ABCE1: variants seen among roughly 807,000 people sequenced by gnomAD.
ABCE1 encodes ATP binding cassette subfamily E member 1, also known as ATP-binding cassette sub-family E member 1.
ABCE1 carries 22 observed loss-of-function variants against 83.4 expected under a neutral mutation model. That is an observed-to-expected ratio of 0.26 (90% confidence interval 0.19 to 0.38). The LOEUF (loss-of-function observed/expected upper bound fraction) is 0.38. Ranked by LOEUF, ABCE1 falls within the 10% of genes least tolerant of loss-of-function variation. ABCE1 has a pLI of 1.00. For synonymous variants in ABCE1, 204 were observed against 233.7 expected, an observed-to-expected ratio of 0.87 and a Z score of 1.16; for missense variants, 330 against 721.9, an observed-to-expected ratio of 0.46 and a Z score of 6.22.
rs1749974496 is a variant in ABCE1 at position 145,129,212 on chromosome 4, A to G, written c.*1639A>G. The G allele has an allele frequency of 1.3e-5, 2 of 152,352 alleles. No individual in the cohort carries two copies. The highest frequency in any genetic ancestry group is 4.8e-5 in the African/African-American group (2 of 41,594). 9.4% of individuals were successfully genotyped at this position (152,352 alleles called of 1,614,324 possible). On this transcript the variant is annotated 3_prime_UTR_variant, in exon 18 of 18. Coordinates refer to ENST00000296577, the MANE Select transcript of ABCE1 (RefSeq NM_002940.3). ...TTAAAGAAAGTACTTGTGATATAAGAGCACAGTTCTACTTACTGCTAATGA... is the reference window on the plus strand; with the variant it reads ...TTAAAGAAAGTACTTGTGATATAAGGGCACAGTTCTACTTACTGCTAATGA...
chr4:145,106,648 T>G (rs544775622), intron 3 of ABCE1, among the ~76,000 whole-genome samples: 2 of 152,100 alleles, frequency 1.3e-5, no homozygotes, highest in African/African-American at 4.8e-5. Context: ...AGAAGTAATG[T>G]ATAATTCCTG....
At chr4:145,110,278 A>C (rs1264467703) in intron 6 of ABCE1, 38 bp downstream of exon 6, 4 of 1,597,780 alleles carry the variant, frequency 2.5e-6, no homozygotes, top group Non-Finnish European at 3.4e-6. Context: ...GGATATTAGT[A>C]GAAGTATAAA....
Position 145,109,620 on chromosome 4 carries a change from T to C in ABCE1, c.405+371T>C, listed in dbSNP as rs1339500711. Among the ~76,000 whole-genome samples the C allele has an allele frequency of 2.6e-5, 4 of 152,194 alleles. No individual in the cohort carries two copies. In the South Asian group the frequency reaches 8.3e-4, roughly 31 times the overall value. On this transcript the variant is annotated intron_variant, in intron 5 of 17. Transcript: ENST00000296577. ...TTTCCAACTTTAGTACATAAAGAAATTTAGGAGCCACTGTGTAATGTTCTT... is the reference window on the plus strand; with the variant it reads ...TTTCCAACTTTAGTACATAAAGAAACTTAGGAGCCACTGTGTAATGTTCTT...
intron 9 of ABCE1, among the ~76,000 whole-genome samples, chr4:145,112,655 G>A (rs144747656): frequency 6.6e-5 from 10 of 152,108 alleles, no homozygotes; most frequent in East Asian, 5.8e-4. Context: ...ACACACGCAC[G>A]CACACGCTTA....
chr4:145,107,537 C>T (rs189694999), intron 3 of ABCE1, among the ~76,000 whole-genome samples: 1 of 152,298 alleles, frequency 6.6e-6, no homozygotes, highest in Admixed American at 6.5e-5. Context: ...GTATTAAGCA[C>T]TCTTTAAATG....
intron 5 of ABCE1, 138 bp downstream of exon 5, chr4:145,109,387 G>A: frequency 3.8e-6 from 2 of 523,976 alleles, no homozygotes; most frequent in South Asian, 7.3e-5. Context: ...TATAAACAAA[G>A]CTCTTTTGTA....
Position 145,109,232 on chromosome 4 carries a change from A to G in ABCE1, c.388A>G (p.Asn130Asp). The change falls in exon 5 of 18, where the codon AAC becomes GAC. Residue 130 changes from asparagine to aspartate, a missense_variant. Physicochemically the swap from Asn to Asp is conservative, Grantham distance 23. Coordinates refer to ENST00000296577, the MANE Select transcript of ABCE1 (RefSeq NM_002940.3). ...AATTTTAGCAGGAAAACAAAAGCCA[A>G]ACCTTGGAAAGTACGATGTATGTAT... is the stretch of plus-strand genomic sequence containing the variant. ...LKILAGKQKP[N>D]LGKYDDPPDW... is the part of the protein sequence containing the mutation. 1 of 1,608,256 alleles carries G rather than the reference A, an allele frequency of 6.2e-7. No homozygotes were observed. Among genetic ancestry groups the G allele is most frequent in the Non-Finnish European group, 8.5e-7 (1 of 1,175,706 alleles).
In ABCE1 at chr4:145,129,514, CAAG is replaced by C. The variant is rs968181243; in HGVS notation, c.*1944_*1946del. Among the ~76,000 whole-genome samples the C allele has an allele frequency of 2.6e-5, 4 of 152,048 alleles. No homozygotes were observed. The highest frequency in any genetic ancestry group is 1.3e-4 in the Admixed American group (2 of 15,260). On this transcript the variant is annotated 3_prime_UTR_variant, in exon 18 of 18. Transcript: ENST00000296577. The stretch of plus-strand genomic sequence containing the variant: ...CAAAATATTGAAATAAAGGAATACT[CAAG>C]AAACAGATTGCTTTTGACAAGGACA...
chr4:145,105,793 A>T, intron 3 of ABCE1, 103 bp downstream of exon 3: 1 of 602,214 alleles, frequency 1.7e-6, no homozygotes, highest in Non-Finnish European at 2.8e-6. Context: ...CAAAGTATAA[A>T]GCAAATGAAT....
chr4:145,112,574 A>G (rs568244310), intron 9 of ABCE1, among the ~76,000 whole-genome samples: 2 of 152,178 alleles, frequency 1.3e-5, no homozygotes, highest in Non-Finnish European at 2.9e-5. Context: ...CCGTAGCTTT[A>G]TAGGAAGCAG....
chr4:145,126,191 GA>G (rs1749882831), intron 17 of ABCE1, among the ~76,000 whole-genome samples: 1 of 152,118 alleles, frequency 6.6e-6, no homozygotes, highest in Non-Finnish European at 1.5e-5. Flanking sequence ...TTTCCTCTGT[GA>G]AATACAGTAT....
At chr4:145,120,521 C>T (rs947210445) in intron 11 of ABCE1, among the ~76,000 whole-genome samples, 12 of 152,008 alleles carry the variant, frequency 7.9e-5, no homozygotes, top group African/African-American at 2.7e-4. Flanking sequence ...TCCTCATACA[C>T]TTCAATGTGG....
At chr4:145,121,042 A>G (rs1749728588) in intron 11 of ABCE1, 132 bp from the exon 12 acceptor site, 1 of 804,162 alleles carries the variant, frequency 1.2e-6, no homozygotes, top group Non-Finnish European at 2.0e-6. Context: ...TTTTCTATAT[A>G]AACTTCAGAA....
chr4:145,112,257 T>G lies in ABCE1; in HGVS notation c.729T>G (p.Pro243=), dbSNP rs751639149. ...QKADIFMFDE[P]SSYLDVKQRL... Reference sequence around the variant, plus strand: ...TTCATAGTTTCATGTTTGATGAGCCTTCTAGTTACCTAGATGTCAAGCAGC... The same window carrying G: ...TTCATAGTTTCATGTTTGATGAGCCGTCTAGTTACCTAGATGTCAAGCAGC... The change falls in exon 9 of 18, where the codon CCT becomes CCG. Residue 243 remains proline (P), a synonymous_variant. Transcript: ENST00000296577. The G allele has an allele frequency of 6.5e-7, 1 of 1,531,096 alleles. No individual in the cohort carries two copies. Among genetic ancestry groups the G allele is most frequent in the South Asian group, 1.2e-5 (1 of 83,528 alleles). 94.8% of individuals were successfully genotyped at this position (1,531,096 alleles called of 1,614,324 possible). A position where few individuals can be genotyped will look rare whatever the true frequency, so the allele number is the denominator to read the frequency against.
intron 13 of ABCE1, chr4:145,121,707 A>T: frequency 4.5e-6 from 1 of 220,968 alleles, no homozygotes; most frequent in Non-Finnish European, 9.1e-6. Flanking sequence ...CCCTGTCTCT[A>T]CTAAAACTAC....
At chr4:145,119,809 C>T (rs1749696639) in intron 10 of ABCE1, 123 bp from the exon 11 acceptor site, 7 of 662,722 alleles carry the variant, frequency 1.1e-5, no homozygotes, top group Non-Finnish European at 1.6e-5. Context: ...TCTTTATATG[C>T]AGACCAACAT....
At chr4:145,100,663 G>T (rs908854154) in intron 1 of ABCE1, among the ~76,000 whole-genome samples, 1 of 152,110 alleles carries the variant, frequency 6.6e-6, no homozygotes, top group Non-Finnish European at 1.5e-5. Flanking sequence ...ACAAGACCTG[G>T]ACCAGTTTTT....
chr4:145,119,438 CAT>C (rs1338747193), intron 10 of ABCE1, among the ~76,000 whole-genome samples: 1 of 151,802 alleles, frequency 6.6e-6, no homozygotes, highest in East Asian at 1.9e-4. Flanking sequence ...GGAATTAGCT[CAT>C]ATTCAATTTC....
chr4:145,115,235 T>C (rs1749579131), intron 9 of ABCE1, among the ~76,000 whole-genome samples: 2 of 151,938 alleles, frequency 1.3e-5, no homozygotes, highest in Admixed American at 6.6e-5. Context: ...ATTTGAAGGT[T>C]GGGGTTGGGG....
Sources: gnomAD v4.1 joint callset for allele counts (sites outside exome capture counted in the v4.1 genomes callset) on GRCh38, gnomAD v4.1.1 for gene constraint, MANE v1.5 for transcripts, NCBI Gene and HGNC (gene_info 2026-07-23, HGNC 2026-07-21) for gene names.